PKP4: variants seen among roughly 807,000 people sequenced by gnomAD.
The protein encoded by PKP4 is plakophilin 4.
In PKP4, 90 loss-of-function variants were observed where a neutral mutation model predicts 145.1. That is an observed-to-expected ratio of 0.62 (90% CI 0.52 to 0.74). PKP4 has a LOEUF of 0.74. Among genes scored for constraint, PKP4 ranks in the 30% least tolerant of loss-of-function variants. The probability of loss-of-function intolerance (pLI) is 0.00; values close to 1 mark genes in which losing one functional copy is unlikely to be tolerated. For synonymous variants in PKP4, 563 were observed against 577.2 expected (o/e 0.98, Z 0.35); for missense variants, 1,340 against 1,482.7 (o/e 0.90, Z 1.58).
At chr2:158,582,273 T>C (rs114788675) in intron 3 of PKP4, among the ~76,000 whole-genome samples, 358 of 152,310 alleles carry the variant, frequency 2.4e-3, no homozygotes, top group Non-Finnish European at 4.2e-3. Flanking sequence ...TTTCACCTCA[T>C]TGAAAGGAAC....
chr2:158,523,418 G>C (rs1338413902), intron 1 of PKP4, among the ~76,000 whole-genome samples: 2 of 96,838 alleles, frequency 2.1e-5, no homozygotes, highest in Admixed American at 1.2e-4. Context: ...TGCAGCTGAG[G>C]GTCCTGTCTG....
intron 7 of PKP4, among the ~76,000 whole-genome samples, chr2:158,631,446 T>G (rs1236366651): frequency 6.6e-6 from 1 of 152,078 alleles, no homozygotes; most frequent in African/African-American, 2.4e-5. Context: ...TGCAGTGGTG[T>G]GATCATGGCT....
chr2:158,581,118 C>G (rs954024396), intron 3 of PKP4, among the ~76,000 whole-genome samples: 1 of 152,196 alleles, frequency 6.6e-6, no homozygotes, highest in African/African-American at 2.4e-5. Flanking sequence ...CCCCTTGCAT[C>G]TCCAGTGTGT....
At chr2:158,555,534 T>G (rs983296319) in intron 2 of PKP4, among the ~76,000 whole-genome samples, 1 of 152,242 alleles carries the variant, frequency 6.6e-6, no homozygotes, top group African/African-American at 2.4e-5. Context: ...AATGCTTCTC[T>G]GTTCTTTGAT....
chr2:158,502,165 T>A (rs1043558043), intron 1 of PKP4, among the ~76,000 whole-genome samples: 4 of 152,152 alleles, frequency 2.6e-5, no homozygotes, highest in Non-Finnish European at 4.4e-5. Flanking sequence ...ATGAAATGAT[T>A]TTTTTTCATG....
chr2:158,561,882 G>A (rs1342572848), intron 2 of PKP4, among the ~76,000 whole-genome samples: 1 of 151,196 alleles, frequency 6.6e-6, no homozygotes, highest in Non-Finnish European at 1.5e-5. Flanking sequence ...TTGGTTTGCT[G>A]CATCCATCAA....
At chr2:158,531,798 A>G (rs184464476) in intron 1 of PKP4, among the ~76,000 whole-genome samples, 3 of 152,274 alleles carry the variant, frequency 2.0e-5, no homozygotes, top group Admixed American at 2.0e-4. Context: ...TTCAAAGTCT[A>G]TCTAGGCCTT....
At chr2:158,462,782 T>TA (rs1420132404) in intron 1 of PKP4, among the ~76,000 whole-genome samples, 1 of 152,220 alleles carries the variant, frequency 6.6e-6, no homozygotes, top group African/African-American at 2.4e-5. Context: ...GCAGATTGTA[T>TA]AATCTCTGTG....
rs1475599801 is a variant in PKP4 at position 158,550,157 on chromosome 2, A to G, written c.132+16841A>G. 5.3e-5 allele frequency among the ~76,000 whole-genome samples: 8 copies of G among 152,222 alleles called. 1 individual carries two copies. The highest frequency in any genetic ancestry group is 1.2e-4 in the Non-Finnish European group (8 of 68,030). On this transcript the variant is annotated intron_variant, in intron 2 of 21. Transcript: ENST00000389759. ...CTGCCAAGAAGAAGTTAAACAATCTATTAATGTGGAAAAATGTTGCTTCAA... is the reference window on the plus strand; with the variant it reads ...CTGCCAAGAAGAAGTTAAACAATCTGTTAATGTGGAAAAATGTTGCTTCAA...
chr2:158,587,482 A>C (rs1175107623), intron 3 of PKP4, among the ~76,000 whole-genome samples: 1 of 152,048 alleles, frequency 6.6e-6, no homozygotes, highest in Non-Finnish European at 1.5e-5. Context: ...AAAGTACTTT[A>C]ATAGGTTATA....
intron 3 of PKP4, among the ~76,000 whole-genome samples, chr2:158,578,943 T>G (rs2048096310): frequency 1.0e-5 from 1 of 99,224 alleles, no homozygotes; most frequent in Non-Finnish European, 2.9e-5. Flanking sequence ...AACCTCAAAG[T>G]AAGCACTAGA....
chr2:158,520,045 C>A, intron 1 of PKP4, among the ~76,000 whole-genome samples: 1 of 152,002 alleles, frequency 6.6e-6, no homozygotes, highest in Admixed American at 6.6e-5. Context: ...CTTCTTTCCT[C>A]TATATAAGAA....
At chr2:158,576,472 A>G (rs1451808236) in intron 2 of PKP4, among the ~76,000 whole-genome samples, 13 of 152,162 alleles carry the variant, frequency 8.5e-5, no homozygotes. Context: ...ATCTTTAGAT[A>G]TTTTATAACA....
rs1575147085 is a variant in PKP4 at position 158,677,115 on chromosome 2, G to A, written c.3256+248G>A. The A allele has an allele frequency of 1.3e-5, 6 of 476,884 alleles. No homozygotes were observed. In the East Asian group the frequency reaches 2.2e-4, roughly 17 times the overall value. 29.5% of individuals were successfully genotyped at this position (476,884 alleles called of 1,614,324 possible). A position where few individuals can be genotyped will look rare whatever the true frequency, so the allele number is the denominator to read the frequency against. ...TACGGTGGGCACAAATAAAAAGAGGGCTGTATCCAAATAAATCATTTCTGG... is the reference window on the plus strand; with the variant it reads ...TACGGTGGGCACAAATAAAAAGAGGACTGTATCCAAATAAATCATTTCTGG... On this transcript the variant is annotated intron_variant, in intron 20 of 21. Coordinates refer to ENST00000389759, the MANE Select transcript of PKP4 (RefSeq NM_003628.6).
chr2:158,530,723 A>G (rs1371171556), intron 1 of PKP4, among the ~76,000 whole-genome samples: 2 of 152,064 alleles, frequency 1.3e-5, no homozygotes, highest in East Asian at 1.9e-4. Flanking sequence ...ACTGCTTCAG[A>G]GATAAGGGGT....
chr2:158,520,770 A>G (rs894220078), intron 1 of PKP4, among the ~76,000 whole-genome samples: 1 of 152,198 alleles, frequency 6.6e-6, no homozygotes, highest in African/African-American at 2.4e-5. Flanking sequence ...CTTGCCACCT[A>G]TGCATGCGTT....
chr2:158,496,842 G>C (rs895300943), intron 1 of PKP4, among the ~76,000 whole-genome samples: 3 of 149,770 alleles, frequency 2.0e-5, no homozygotes, highest in Admixed American at 6.7e-5. Context: ...TATCCTCCTG[G>C]GTAGGTGGTT....
intron 8 of PKP4, 113 bp from the exon 9 acceptor site, chr2:158,633,957 A>G: frequency 1.6e-6 from 1 of 631,420 alleles, no homozygotes; most frequent in Non-Finnish European, 2.8e-6. Flanking sequence ...AAAGTAAGCG[A>G]TTTATATAAT....
chr2:158,628,912 G>A (rs945954131), intron 7 of PKP4, among the ~76,000 whole-genome samples: 7 of 152,138 alleles, frequency 4.6e-5, no homozygotes, highest in African/African-American at 1.7e-4. Flanking sequence ...TCAGTGTCTT[G>A]CACTGAGTCG....
Sources: gnomAD v4.1 joint callset for allele counts (sites outside exome capture counted in the v4.1 genomes callset) on GRCh38, gnomAD v4.1.1 for gene constraint, MANE v1.5 for transcripts, NCBI Gene and HGNC (gene_info 2026-07-23, HGNC 2026-07-21) for gene names.